Variants in ITIH6 observed in about 807,000 individuals in gnomAD.
ITIH6 encodes inter-alpha-trypsin inhibitor heavy chain H6.
In ITIH6, 60 loss-of-function variants were observed where a neutral mutation model predicts 58.2. The ratio of observed to expected loss-of-function variants is 1.03; its 90% CI spans 0.84 to 1.28. The LOEUF (loss-of-function observed/expected upper bound fraction) is 1.28. Ranked by LOEUF, ITIH6 falls within the 50% of genes most tolerant of loss-of-function variation. The pLI, the probability that ITIH6 is intolerant of heterozygous loss-of-function variation, is 0.00. For synonymous variants in ITIH6, 493 were observed against 417.4 expected (o/e 1.18, Z -2.21); for missense variants, 1,290 against 1,021.1 (o/e 1.26, Z -3.59).
At position 54,791,942 on chromosome X, in the gene ITIH6, C is replaced by T; in HGVS notation, c.352G>A (p.Ala118Thr). The stretch of plus-strand genomic sequence containing the variant: ...GGGCCTTACCTGATGCCTACATGAG[C>T]AGCTGTCTTTCCCTGCTGATGGGCT... ...EEAHQQGKTAAHVGIRDRESE... is the reference protein window; with the variant it reads ...EEAHQQGKTATHVGIRDRESE... Residue 118 changes from alanine (A) to threonine (T), a missense_variant, in exon 3 of 13, where the codon GCT becomes ACT. Transcript: ENST00000218436. The T allele has an allele frequency of 2.6e-6, 3 of 1,172,454 alleles. No individual in the cohort carries two copies. The highest frequency in any genetic ancestry group is 3.5e-6 in the Non-Finnish European group (3 of 859,768).
intron 4 of ITIH6, among the ~76,000 whole-genome samples, chrX:54,789,548 T>C (rs138626879): frequency 0.023 from 2,567 of 111,924 alleles, 38 homozygotes; most frequent in Middle Eastern, 0.074. Context: ...GGGGGAGGGA[T>C]CTGCCATTTA....
At chrX:54,780,147 C>T (rs1479133238) in intron 5 of ITIH6, among the ~76,000 whole-genome samples, 2 of 112,292 alleles carry the variant, frequency 1.8e-5, no homozygotes, top group Non-Finnish European at 3.8e-5. Flanking sequence ...AAACATCAGA[C>T]TTAATCTGCA....
At chrX:54,784,765 T>C (rs2147617985) in intron 5 of ITIH6, among the ~76,000 whole-genome samples, 1 of 111,436 alleles carries the variant, frequency 9.0e-6, no homozygotes, top group East Asian at 2.8e-4. Context: ...AGTAGAACCA[T>C]ATGGAGAACA....
At chrX:54,784,315 G>A (rs1368207241) in intron 5 of ITIH6, among the ~76,000 whole-genome samples, 1 of 111,741 alleles carries the variant, frequency 8.9e-6, no homozygotes, top group African/African-American at 3.3e-5. Flanking sequence ...ATAAGCACAA[G>A]CAACCGTAGT....
rs748581793 is a variant in ITIH6, at chrX:54,757,871, T to C, written c.2203A>G (p.Thr735Ala). The change falls in exon 8 of 13, where the codon ACT becomes GCT. Residue 735 changes from threonine (T) to alanine (A), a missense_variant. Thr to Ala is a moderately conservative substitution (Grantham distance 58). Transcript: ENST00000218436. ...PTILVPSNSG[T>A]LLPLKPGSLS... Reference sequence around the variant, plus strand: ...GAGCCGGGCTTCAGAGGCAACAGAGTACCAGAATTTGAGGGCACAAGAATG... The same window carrying C: ...GAGCCGGGCTTCAGAGGCAACAGAGCACCAGAATTTGAGGGCACAAGAATG... 15 of 1,210,830 alleles carry C rather than the reference T, an allele frequency of 1.2e-5. No homozygotes were observed. The highest frequency in any genetic ancestry group is 1.7e-5 in the Non-Finnish European group (15 of 895,221).
At chrX:54,795,459 T>C (rs1271965969) in intron 2 of ITIH6, among the ~76,000 whole-genome samples, 1 of 111,621 alleles carries the variant, frequency 9.0e-6, no homozygotes, top group Non-Finnish European at 1.9e-5. Flanking sequence ...CATAAGATGG[T>C]TTGGAGACCA....
At chrX:54,763,766 T>A (rs955424935) in intron 6 of ITIH6, among the ~76,000 whole-genome samples, 1 of 112,291 alleles carries the variant, frequency 8.9e-6, no homozygotes, top group Non-Finnish European at 1.9e-5. Flanking sequence ...GATAAAGCGA[T>A]GATGAAGTCT....
intron 6 of ITIH6, among the ~76,000 whole-genome samples, chrX:54,767,370 T>A (rs1191664210): frequency 9.2e-6 from 1 of 108,244 alleles, no homozygotes; most frequent in Admixed American, 9.8e-5. Flanking sequence ...TTTGAAGGGT[T>A]TTTTTGTGTC....
rs1419093369 is a variant in ITIH6, at chrX:54,757,260, T to G, written c.2814A>C (p.Gly938=). 2.5e-6 allele frequency: 3 copies of G among 1,191,212 alleles called. No homozygotes were observed. The highest frequency in any genetic ancestry group is 3.4e-6 in the Non-Finnish European group (3 of 884,984). ...PMPFTPTLPP[G]RFWHQYDLLP... is the part of the protein sequence containing the mutation. ...GGAGGTCATACTGATGCCAGAACCT[T>G]CCAGGGGGCAGAGTGGGAGTAAAGG... Residue 938 remains glycine, a synonymous_variant, in exon 8 of 13, where the codon GGA becomes GGC. Transcript: ENST00000218436.
chrX:54,774,204 C>CAA lies in ITIH6; in HGVS notation c.787-9_787-8dup, dbSNP rs35679081. Reference sequence around the variant, plus strand: ...TGAAATAGTCATCGTAAATCTGGACCAAAAAAAAAAAAAAAAAAGTAGAAC... The same window carrying CAA: ...TGAAATAGTCATCGTAAATCTGGACCAAAAAAAAAAAAAAAAAAAAGTAGAAC... On this transcript the variant is annotated splice_region_variant and splice_polypyrimidine_tract_variant and intron_variant, in intron 5 of 12. Coordinates refer to ENST00000218436, the MANE Select transcript of ITIH6 (RefSeq NM_198510.3). 1.4e-3 allele frequency: 843 copies of CAA among 591,783 alleles called. No individual in the cohort carries two copies. The highest frequency in any genetic ancestry group is 3.0e-3 in the African/African-American group (103 of 34,063). The allele number at this position is 591,783 out of a possible 1,213,427, so 48.8% of individuals were successfully genotyped here.
rs768144997 is a variant in ITIH6, at chrX:54,755,102, T to C, written c.3117A>G (p.Pro1039=). The C allele has an allele frequency of 3.3e-6, 4 of 1,202,176 alleles. No homozygotes were observed. The South Asian group carries it at 5.3e-5, about 16-fold the overall frequency. Reference sequence around the variant, plus strand: ...TCTCCTCAGAATTGCCATCCCAGTTTGGACTTCCTGCCAAGCACAAAAGAA... The same window carrying C: ...TCTCCTCAGAATTGCCATCCCAGTTCGGACTTCCTGCCAAGCACAAAAGAA... The part of the protein sequence containing the change: ...TFLTPDEDGS[P]NWDGNSEEIL... Residue 1039 remains proline (P), a synonymous_variant, in exon 9 of 13, where the codon CCA becomes CCG. Coordinates refer to ENST00000218436, the MANE Select transcript of ITIH6 (RefSeq NM_198510.3).
At chrX:54,767,696 C>T (rs367721368) in intron 6 of ITIH6, among the ~76,000 whole-genome samples, 48 of 103,347 alleles carry the variant, frequency 4.6e-4, no homozygotes, top group African/African-American at 6.5e-4. Context: ...TGTAGTTGAG[C>T]GGCTTTGAGT....
At chrX:54,779,482 A>T in intron 5 of ITIH6, among the ~76,000 whole-genome samples, 1 of 111,745 alleles carries the variant, frequency 8.9e-6, no homozygotes, top group Non-Finnish European at 1.9e-5. Context: ...TAAAATAATG[A>T]TTAATAAGAT....
chrX:54,772,861 G>A (rs373705896), intron 6 of ITIH6, among the ~76,000 whole-genome samples: 62 of 111,524 alleles, frequency 5.6e-4, no homozygotes, highest in African/African-American at 1.4e-3. Flanking sequence ...AGCTCCACTC[G>A]CTGGGCTCAA....
At chrX:54,772,495 C>G (rs1301071894) in intron 6 of ITIH6, among the ~76,000 whole-genome samples, 1 of 111,977 alleles carries the variant, frequency 8.9e-6, no homozygotes, top group African/African-American at 3.2e-5. Context: ...TCCACTGAAC[C>G]TAAAATAAAA....
At chrX:54,783,917 CATT>C (rs1203901645) in intron 5 of ITIH6, among the ~76,000 whole-genome samples, 1 of 112,131 alleles carries the variant, frequency 8.9e-6, no homozygotes, top group Non-Finnish European at 1.9e-5. Flanking sequence ...GGAGGAATCA[CATT>C]ATCTGACTTC....
At chrX:54,761,965 T>G (rs1462115906) in intron 6 of ITIH6, among the ~76,000 whole-genome samples, 1 of 111,970 alleles carries the variant, frequency 8.9e-6, no homozygotes, top group Middle Eastern at 4.2e-3. Flanking sequence ...TTTTTTCCAA[T>G]CCTGTGAAGA....
At chrX:54,780,885 T>C (rs1171747002) in intron 5 of ITIH6, among the ~76,000 whole-genome samples, 1 of 111,058 alleles carries the variant, frequency 9.0e-6, no homozygotes, top group Admixed American at 9.6e-5. Flanking sequence ...AGCAATTATA[T>C]GCCAATAAGT....
chrX:54,785,576 C>T (rs1351082074), intron 5 of ITIH6, among the ~76,000 whole-genome samples: 2 of 111,267 alleles, frequency 1.8e-5, no homozygotes, highest in African/African-American at 6.5e-5. Context: ...ACTGCCTTCC[C>T]GGCCCATGAA....
Sources: gnomAD v4.1 joint callset for allele counts (sites outside exome capture counted in the v4.1 genomes callset) on GRCh38, gnomAD v4.1.1 for gene constraint, MANE v1.5 for transcripts, NCBI Gene and HGNC (gene_info 2026-07-23, HGNC 2026-07-21) for gene names.